The following ZNF609 variants were observed in gnomAD, a reference collection of about 807,000 sequenced individuals.
ZNF609 encodes zinc finger protein 609.
In ZNF609, 11 loss-of-function variants were observed where a neutral mutation model predicts 109.5. The observed-to-expected ratio is 0.10, with a 90% CI of 0.06 to 0.17. The LOEUF (loss-of-function observed/expected upper bound fraction) is 0.17, where lower values mean the gene tolerates loss of function less well. ZNF609 is among the 10% of genes least tolerant of loss of function. ZNF609 has a pLI of 1.00. For missense variants in ZNF609, 1,559 were observed against 1,772.4 expected, an observed-to-expected ratio of 0.88 and a Z score of 2.16; for synonymous variants, 646 against 662.0, an observed-to-expected ratio of 0.98 and a Z score of 0.37.
chr15:64,522,013 A>T lies in ZNF609; in HGVS notation c.747+21847A>T, dbSNP rs545158590. 9.2e-5 allele frequency among the ~76,000 whole-genome samples: 14 copies of T among 152,350 alleles called. No homozygotes were observed. The South Asian group carries it at 2.9e-3, about 32-fold the overall frequency. ...GCACTTGGCCAACTAATGCTGAGGC[A>T]TCTGGTGACTCGAGACAAAAGCCTA... On this transcript the variant is annotated intron_variant, in intron 2 of 9. Coordinates refer to ENST00000326648, the MANE Select transcript of ZNF609 (RefSeq NM_015042.2).
chr15:64,491,325 G>T (rs1893409260), intron 1 of ZNF609, among the ~76,000 whole-genome samples: 1 of 152,172 alleles, frequency 6.6e-6, no homozygotes, highest in African/African-American at 2.4e-5. Flanking sequence ...TACTGAAGCT[G>T]GCTAAGTATG....
At chr15:64,531,349 C>A (rs1362733876) in intron 2 of ZNF609, among the ~76,000 whole-genome samples, 2 of 152,078 alleles carry the variant, frequency 1.3e-5, no homozygotes, top group East Asian at 3.9e-4. Flanking sequence ...GATGATAAAC[C>A]TAAAAACACT....
At chr15:64,595,819 G>A (rs1595732291) in intron 2 of ZNF609, among the ~76,000 whole-genome samples, 1 of 152,136 alleles carries the variant, frequency 6.6e-6, no homozygotes, top group East Asian at 1.9e-4. Context: ...ATGGGTTTGA[G>A]GATGCCATTT....
chr15:64,684,464 C>T lies in ZNF609; in HGVS notation c.*2778C>T, dbSNP rs2083229814. The T allele has an allele frequency of 6.6e-6, 1 of 152,278 alleles. No homozygotes were observed. Among genetic ancestry groups the T allele is most frequent in the African/African-American group, 2.4e-5 (1 of 41,460 alleles). 9.4% of individuals were successfully genotyped at this position (152,278 alleles called of 1,614,324 possible). On this transcript the variant is annotated 3_prime_UTR_variant, in exon 10 of 10. Coordinates refer to ENST00000326648, the MANE Select transcript of ZNF609 (RefSeq NM_015042.2). ...ATCAGGCAAGGCTTGGAGAGCTGCTCTTTAGGATCCACATCAACTACTTCC... is the reference window on the plus strand; with the variant it reads ...ATCAGGCAAGGCTTGGAGAGCTGCTTTTTAGGATCCACATCAACTACTTCC...
At chr15:64,560,073 G>T (rs529645787) in intron 2 of ZNF609, among the ~76,000 whole-genome samples, 15 of 151,960 alleles carry the variant, frequency 9.9e-5, no homozygotes, top group Non-Finnish European at 2.2e-4. Context: ...TTGAGACTGA[G>T]TCTCGCTCTG....
At chr15:64,645,100 TCCC>T (rs1896316129) in intron 3 of ZNF609, among the ~76,000 whole-genome samples, 11 of 60,396 alleles carry the variant, frequency 1.8e-4, no homozygotes, top group Non-Finnish European at 2.3e-4. Flanking sequence ...CCTCCCTCCC[TCCC>T]TCCCTTCCTT....
intron 2 of ZNF609, among the ~76,000 whole-genome samples, chr15:64,596,325 T>C (rs1296683361): frequency 1.3e-5 from 2 of 152,070 alleles, no homozygotes; most frequent in Non-Finnish European, 2.9e-5. Flanking sequence ...GGCTAATTTT[T>C]TTGTATTTTT....
chr15:64,533,233 T>C (rs1432572705), intron 2 of ZNF609, among the ~76,000 whole-genome samples: 2 of 152,060 alleles, frequency 1.3e-5, no homozygotes, highest in African/African-American at 4.8e-5. Context: ...GTATTTTTAG[T>C]AGAGATGGGG....
At chr15:64,465,285 A>G (rs933474227) in intron 1 of ZNF609, among the ~76,000 whole-genome samples, 1 of 152,202 alleles carries the variant, frequency 6.6e-6, no homozygotes, top group African/African-American at 2.4e-5. Context: ...TGCCTTACTC[A>G]AGTGATTTTG....
rs150158177 is a variant in ZNF609, at chr15:64,558,466, A to G, written c.747+58300A>G. Among the ~76,000 whole-genome samples, 805 of 152,346 alleles carry G rather than the reference A, an allele frequency of 5.3e-3. 6 individuals carry two copies. The highest frequency in any genetic ancestry group is 7.8e-3 in the Non-Finnish European group (528 of 68,040). Reference sequence around the variant, plus strand: ...CTCTTAAAATAATGCTTGGCACTTAATAAGTACTATGTAAGTATTGTTACT... The same window carrying G: ...CTCTTAAAATAATGCTTGGCACTTAGTAAGTACTATGTAAGTATTGTTACT... On this transcript the variant is annotated intron_variant, in intron 2 of 9. Transcript: ENST00000326648.
chr15:64,644,450 T>C (rs1848167894), intron 3 of ZNF609, among the ~76,000 whole-genome samples: 1 of 152,118 alleles, frequency 6.6e-6, no homozygotes, highest in South Asian at 2.1e-4. Context: ...ATCACATCAC[T>C]GCACTCCAGT....
intron 1 of ZNF609, among the ~76,000 whole-genome samples, chr15:64,487,882 C>T (rs1893354420): frequency 1.3e-5 from 2 of 152,172 alleles, no homozygotes; most frequent in South Asian, 2.1e-4. Flanking sequence ...GATCCACCCA[C>T]CTTGGCCTCC....
intron 2 of ZNF609, among the ~76,000 whole-genome samples, chr15:64,609,741 A>T (rs1466972003): frequency 6.6e-6 from 1 of 151,362 alleles, no homozygotes; most frequent in African/African-American, 2.4e-5. Flanking sequence ...ATATGAAAAA[A>T]ATAAGGCCGG....
At chr15:64,645,934 G>A (rs1043149548) in intron 3 of ZNF609, among the ~76,000 whole-genome samples, 44 of 152,110 alleles carry the variant, frequency 2.9e-4, no homozygotes, top group Non-Finnish European at 6.2e-4. Flanking sequence ...CTGTTGGTTG[G>A]AACATAAAAT....
rs1265640439 is a variant in ZNF609, at chr15:64,683,148, C to CT, written c.*1466dup. 3.9e-5 allele frequency: 6 copies of CT among 152,578 alleles called. No individual in the cohort carries two copies. Among genetic ancestry groups the CT allele is most frequent in the African/African-American group, 1.4e-4 (6 of 41,434 alleles). 9.5% of individuals were successfully genotyped at this position (152,578 alleles called of 1,614,324 possible). ...GGTGTGGGGAGCTTAGCTTACTTGG[C>CT]TTTTGAGGTATCATCCCTCTGTTCT... On this transcript the variant is annotated 3_prime_UTR_variant, in exon 10 of 10. Coordinates refer to ENST00000326648, the MANE Select transcript of ZNF609 (RefSeq NM_015042.2).
At chr15:64,468,776 G>T (rs189586679) in intron 1 of ZNF609, among the ~76,000 whole-genome samples, 3 of 152,242 alleles carry the variant, frequency 2.0e-5, no homozygotes, top group Admixed American at 1.3e-4. Flanking sequence ...ATAAAACCCA[G>T]ATTCTGATCA....
chr15:64,570,114 C>T (rs1894838387), intron 2 of ZNF609, among the ~76,000 whole-genome samples: 1 of 152,206 alleles, frequency 6.6e-6, no homozygotes. Context: ...CCTGCCTTAA[C>T]TTCCCAAAGT....
chr15:64,597,069 C>T (rs755266500), intron 2 of ZNF609, among the ~76,000 whole-genome samples: 2 of 152,056 alleles, frequency 1.3e-5, no homozygotes, highest in African/African-American at 2.4e-5. Context: ...AGATTCCTGA[C>T]ACTTAAAGGG....
intron 3 of ZNF609, among the ~76,000 whole-genome samples, chr15:64,628,098 C>A (rs573362032): frequency 6.6e-6 from 1 of 150,800 alleles, no homozygotes. Flanking sequence ...CATAGCAAGA[C>A]CCTATCTCTA....
Sources: gnomAD v4.1 joint callset for allele counts (sites outside exome capture counted in the v4.1 genomes callset) on GRCh38, gnomAD v4.1.1 for gene constraint, MANE v1.5 for transcripts, NCBI Gene and HGNC (gene_info 2026-07-23, HGNC 2026-07-21) for gene names.